ANO5: variants seen among roughly 807,000 people sequenced by gnomAD.
ANO5 encodes anoctamin-5.
Under a neutral mutation model 121.0 loss-of-function variants are expected in ANO5, and 109 were observed. The observed-to-expected ratio is 0.90, with a 90% confidence interval of 0.77 to 1.06. The LOEUF (loss-of-function observed/expected upper bound fraction) is 1.06. ANO5 is among the 50% of genes least tolerant of loss of function. The pLI is 0.00. For missense variants in ANO5, 1,064 were observed against 1,078.5 expected (o/e 0.99, Z 0.19); for synonymous variants, 406 against 359.9 (o/e 1.13, Z -1.45).
chr11:22,203,697 T>C (rs1362998355), intron 1 of ANO5, 107 bp from the exon 2 acceptor site: 5 of 694,830 alleles, frequency 7.2e-6, no homozygotes, highest in Admixed American at 2.8e-5. Flanking sequence ...ATTTTTTCTT[T>C]GAATTTTTTA....
rs748237103 is a variant in ANO5 at position 22,251,055 on chromosome 11, T to G, written c.1180+44T>G. On this transcript the variant is annotated intron_variant, in intron 12 of 21. Transcript: ENST00000324559. ...AAAGAAACAGCTTTCTTCCTATTAA[T>G]GTGTTGTTTTGCCTCCATATAACAT... 8 of 1,542,068 alleles carry G rather than the reference T, an allele frequency of 5.2e-6. No individual in the cohort carries two copies. The East Asian group carries it at 1.6e-4, about 31-fold the overall frequency.
At chr11:22,262,359 T>C in intron 16 of ANO5, 61 bp downstream of exon 16, 2 of 1,563,420 alleles carry the variant, frequency 1.3e-6, no homozygotes, top group Admixed American at 1.7e-5. Flanking sequence ...AACAACTTTC[T>C]GTGTGTCAAG....
At position 22,283,153 on chromosome 11, in the gene ANO5, G is replaced by A. The variant is rs1855137754; in HGVS notation, c.*3388G>A. On this transcript the variant is annotated 3_prime_UTR_variant, in exon 22 of 22. Transcript: ENST00000324559. ...TCCTCCTCCTCAAAGGTTTGACTGG[G>A]TGTATCTCTCCTATGTGTGACATTA... 1 of 152,164 alleles carries A rather than the reference G, an allele frequency of 6.6e-6. No homozygotes were observed. The highest frequency in any genetic ancestry group is 2.1e-4 in the South Asian group (1 of 4,830). 9.4% of individuals were successfully genotyped at this position (152,164 alleles called of 1,614,324 possible).
At chr11:22,248,379 C>T (rs1445522205) in intron 9 of ANO5, among the ~76,000 whole-genome samples, 1 of 151,972 alleles carries the variant, frequency 6.6e-6, no homozygotes, top group African/African-American at 2.4e-5. Flanking sequence ...TATATTTGAG[C>T]TTTTGTAGAG....
rs568891485 is a variant in ANO5, at chr11:22,249,574, C to T, written c.879-663C>T. The stretch of plus-strand genomic sequence containing the variant: ...AATGGGTACTAAGTTAAAAACAAAA[C>T]ACTTGGTTGTGAGAATTAAAATGTT... On this transcript the variant is annotated intron_variant, in intron 9 of 21. Coordinates refer to ENST00000324559, the MANE Select transcript of ANO5 (RefSeq NM_213599.3). Among the ~76,000 whole-genome samples the T allele has an allele frequency of 2.0e-5, 3 of 152,178 alleles. No individual in the cohort carries two copies. In the East Asian group the frequency reaches 5.8e-4, roughly 29 times the overall value.
chr11:22,194,879 T>A (rs1467295207), intron 1 of ANO5, among the ~76,000 whole-genome samples: 1 of 152,222 alleles, frequency 6.6e-6, no homozygotes, highest in African/African-American at 2.4e-5. Context: ...CTTCTATGAA[T>A]AATGCTGCTA....
At chr11:22,274,855 A>G in intron 20 of ANO5, 108 bp downstream of exon 20, 1 of 1,337,268 alleles carries the variant, frequency 7.5e-7, no homozygotes, top group African/African-American at 1.5e-5. Flanking sequence ...TCTTAGGGCA[A>G]CAAAAATCCT....
At chr11:22,194,991 A>C (rs1370874142) in intron 1 of ANO5, among the ~76,000 whole-genome samples, 1 of 152,192 alleles carries the variant, frequency 6.6e-6, no homozygotes, top group East Asian at 1.9e-4. Flanking sequence ...CTTTATATTG[A>C]ACATTTTAAG....
At chr11:22,275,383 CAAAA>C (rs1208847215) in intron 20 of ANO5, among the ~76,000 whole-genome samples, 4 of 151,440 alleles carry the variant, frequency 2.6e-5, no homozygotes, top group Non-Finnish European at 5.9e-5. Context: ...AGACTCCAAA[CAAAA>C]AAGAGCAAAA....
intron 3 of ANO5, 98 bp from the exon 4 acceptor site, chr11:22,218,148 A>C: frequency 1.5e-6 from 1 of 672,648 alleles, no homozygotes; most frequent in African/African-American, 2.6e-5. Flanking sequence ...CACTTATAAA[A>C]TGATCATACC....
At chr11:22,211,391 T>C in intron 3 of ANO5, 77 bp downstream of exon 3, 1 of 1,441,612 alleles carries the variant, frequency 6.9e-7, no homozygotes, top group Non-Finnish European at 9.8e-7. Flanking sequence ...ATGATGATAC[T>C]CTTTTCCAGT....
chr11:22,228,047 T>C (rs981682955), intron 7 of ANO5, among the ~76,000 whole-genome samples: 2 of 152,092 alleles, frequency 1.3e-5, no homozygotes, highest in African/African-American at 4.8e-5. Context: ...CATTTACAAC[T>C]ATTTTCTGCC....
intron 3 of ANO5, among the ~76,000 whole-genome samples, chr11:22,217,423 C>T (rs1264182642): frequency 2.0e-5 from 3 of 151,080 alleles, no homozygotes; most frequent in African/African-American, 7.3e-5. Context: ...TATTATATTG[C>T]ATGCTCATTA....
intron 12 of ANO5, among the ~76,000 whole-genome samples, chr11:22,251,455 T>G (rs1264193615): frequency 6.6e-6 from 1 of 152,186 alleles, no homozygotes; most frequent in African/African-American, 2.4e-5. Context: ...CCACACTCAT[T>G]CATTAAAAAT....
At position 22,226,361 on chromosome 11, in the gene ANO5, A is replaced by G. The variant is rs978764861; in HGVS notation, c.363+309A>G. ...GTCTGCCTATAATCTGGTACCCTAA[A>G]TAATTAACCAGGCTGTCTTGCAGCA... is the stretch of plus-strand genomic sequence containing the variant. On this transcript the variant is annotated intron_variant, in intron 6 of 21. Transcript: ENST00000324559. Among the ~76,000 whole-genome samples, 7 of 152,248 alleles carry G rather than the reference A, an allele frequency of 4.6e-5. 1 individual carries two copies. The highest frequency in any genetic ancestry group is 1.7e-4 in the African/African-American group (7 of 41,566).
intron 17 of ANO5, among the ~76,000 whole-genome samples, chr11:22,266,856 A>T (rs4601778): frequency 6.6e-6 from 1 of 152,034 alleles, no homozygotes; most frequent in African/African-American, 2.4e-5. Context: ...GACTCTATCC[A>T]CTAGATGCCA....
chr11:22,251,103 T>A (rs1853801130), intron 12 of ANO5, 92 bp downstream of exon 12: 1 of 1,273,656 alleles, frequency 7.9e-7, no homozygotes, highest in African/African-American at 1.5e-5. Flanking sequence ...ATATCTTACA[T>A]ACCAAATGTG....
chr11:22,198,042 A>G (rs563409366), intron 1 of ANO5, among the ~76,000 whole-genome samples: 28 of 152,310 alleles, frequency 1.8e-4, no homozygotes, highest in African/African-American at 6.0e-4. Context: ...TGAACATCTA[A>G]TTGCAAGGGT....
At chr11:22,233,009 C>T (rs1853093807) in intron 7 of ANO5, among the ~76,000 whole-genome samples, 1 of 151,994 alleles carries the variant, frequency 6.6e-6, no homozygotes, top group Admixed American at 6.6e-5. Flanking sequence ...ATACCCCTTC[C>T]CGCAAGTTTG....
Sources: allele counts gnomAD v4.1 joint callset (sites outside exome capture counted in the v4.1 genomes callset), GRCh38; gene constraint gnomAD v4.1.1; transcripts MANE v1.5; gene names NCBI Gene and HGNC (gene_info 2026-07-23, HGNC 2026-07-21).